Variants in TOP6BL observed in about 807,000 individuals in gnomAD.
TOP6BL encodes the protein type 2 DNA topoisomerase 6 subunit B-like.
At chr11:66,771,856 G>A in the TOP6BL span, among the ~76,000 whole-genome samples, 1 of 152,262 alleles carries the variant, frequency 6.6e-6, no homozygotes, top group South Asian at 2.1e-4. Flanking sequence ...GAGACAGATG[G>A]GTGGGACTGT....
chr11:66,843,430 T>G, the TOP6BL span: 1 of 1,390,056 alleles, frequency 7.2e-7, no homozygotes, highest in Non-Finnish European at 9.2e-7. Context: ...ACTGCGTCAC[T>G]GGTGCGCGCC....
chr11:66,800,549 G>T, the TOP6BL span: 1 of 974,910 alleles, frequency 1.0e-6, no homozygotes, highest in South Asian at 1.7e-5. Flanking sequence ...AATTTTTTAA[G>T]CTTATTCTTT....
the TOP6BL span, among the ~76,000 whole-genome samples, chr11:66,835,341 G>A: frequency 1.3e-5 from 2 of 151,476 alleles, no homozygotes; most frequent in African/African-American, 4.9e-5. Context: ...AATTATTTTT[G>A]CCCCTCCTAT....
chr11:66,842,038 A>C, the TOP6BL span, among the ~76,000 whole-genome samples: 1 of 152,126 alleles, frequency 6.6e-6, no homozygotes, highest in Non-Finnish European at 1.5e-5. Context: ...TGTCTCTACA[A>C]GTAAAAAAAA....
the TOP6BL span, among the ~76,000 whole-genome samples, chr11:66,789,535 G>A: frequency 6.6e-6 from 1 of 152,152 alleles, no homozygotes; most frequent in Non-Finnish European, 1.5e-5. Context: ...TTCTTTAGGA[G>A]AATGGAGGGT....
chr11:66,768,846 T>C, the TOP6BL span, among the ~76,000 whole-genome samples: 1 of 152,146 alleles, frequency 6.6e-6, no homozygotes, highest in East Asian at 1.9e-4. Flanking sequence ...CTTGGATAGA[T>C]AAAACAGGAG....
chr11:66,834,225 A>G, the TOP6BL span, among the ~76,000 whole-genome samples: 2 of 152,238 alleles, frequency 1.3e-5, no homozygotes, highest in African/African-American at 2.4e-5. Context: ...TAATTTGCCC[A>G]GAATCACAGT....
the TOP6BL span, among the ~76,000 whole-genome samples, chr11:66,766,284 CT>C: frequency 6.6e-6 from 1 of 152,102 alleles, no homozygotes; most frequent in East Asian, 1.9e-4. Context: ...TATCAAGGTA[CT>C]TTTTTCTCTG....
the TOP6BL span, among the ~76,000 whole-genome samples, chr11:66,799,268 C>G: frequency 6.6e-6 from 1 of 150,946 alleles, no homozygotes; most frequent in African/African-American, 2.4e-5. Context: ...TGCCTGTAGT[C>G]CCAGCTACTC....
chr11:66,748,857 A>C, the TOP6BL span, among the ~76,000 whole-genome samples: 2 of 150,560 alleles, frequency 1.3e-5, no homozygotes, highest in Non-Finnish European at 3.0e-5. Context: ...CCCAAGTCTA[A>C]ATTTTGGCAG....
At chr11:66,753,621 T>TGGTCTCTATCTCCTGACC in the TOP6BL span, among the ~76,000 whole-genome samples, 1 of 151,490 alleles carries the variant, frequency 6.6e-6, no homozygotes, top group African/African-American at 2.4e-5. Flanking sequence ...TTAGCCAGGA[T>TGGTCTCTATCTCCTGACC]GGTCTCTATC....
At chr11:66,746,280 CTGTT>C in the TOP6BL span, among the ~76,000 whole-genome samples, 1 of 152,102 alleles carries the variant, frequency 6.6e-6, no homozygotes, top group Non-Finnish European at 1.5e-5. Flanking sequence ...AAGTGAGAAT[CTGTT>C]TGCATGAATA....
the TOP6BL span, among the ~76,000 whole-genome samples, chr11:66,825,405 C>T: frequency 6.6e-6 from 1 of 151,160 alleles, no homozygotes; most frequent in Admixed American, 6.6e-5. Flanking sequence ...GCAGGAGAAT[C>T]ACTTGAACCT....
At chr11:66,777,928 C>T in the TOP6BL span, among the ~76,000 whole-genome samples, 1 of 152,066 alleles carries the variant, frequency 6.6e-6, no homozygotes, top group Non-Finnish European at 1.5e-5. Context: ...ACCAACTTCA[C>T]CGTACTTTGC....
the TOP6BL span, among the ~76,000 whole-genome samples, chr11:66,807,378 C>G: frequency 3.0e-4 from 45 of 152,244 alleles, no homozygotes; most frequent in African/African-American, 9.6e-4. Flanking sequence ...TCGAGACCAG[C>G]CTGACCAACA....
At chr11:66,839,174 A>G in the TOP6BL span, 52 of 456,196 alleles carry the variant, frequency 1.1e-4, no homozygotes, top group Non-Finnish European at 2.2e-4. Context: ...GGGGTACAGC[A>G]GCTCTCACAT....
the TOP6BL span, among the ~76,000 whole-genome samples, chr11:66,798,952 A>G: frequency 2.6e-4 from 40 of 152,242 alleles, no homozygotes; most frequent in Middle Eastern, 3.4e-3. Flanking sequence ...CACGCCTGTA[A>G]TCCCGGCACT....
chr11:66,833,590 A>G, the TOP6BL span, among the ~76,000 whole-genome samples: 12 of 152,226 alleles, frequency 7.9e-5, no homozygotes, highest in Admixed American at 7.8e-4. Context: ...CTCAGGATCT[A>G]GGAGTGCTTC....
At chr11:66,745,959 C>T in the TOP6BL span, among the ~76,000 whole-genome samples, 685 of 152,216 alleles carry the variant, frequency 4.5e-3, 3 homozygotes, top group Non-Finnish European at 8.1e-3. Context: ...TACAGGCGCA[C>T]GCCGCTACAC....
Sources: allele counts gnomAD v4.1 joint callset (sites outside exome capture counted in the v4.1 genomes callset), GRCh38; gene constraint gnomAD v4.1.1; transcripts MANE v1.5; gene names NCBI Gene and HGNC (gene_info 2026-07-23, HGNC 2026-07-21).